TENM3: variants seen among roughly 807,000 people sequenced by gnomAD.
The protein encoded by TENM3 is teneurin-3.
In TENM3, 63 loss-of-function variants were observed where a neutral mutation model predicts 255.1. The ratio of observed to expected loss-of-function variants is 0.25; its 90% CI spans 0.20 to 0.30. The LOEUF (loss-of-function observed/expected upper bound fraction) is 0.30, where lower values mean the gene tolerates loss of function less well. Among genes scored for constraint, TENM3 ranks in the 10% least tolerant of loss-of-function variants. TENM3 has a pLI of 1.00. For missense variants in TENM3, 2,929 were observed against 3,461.1 expected, an observed-to-expected ratio of 0.85 and a Z score of 3.86; for synonymous variants, 1,306 against 1,322.3, an observed-to-expected ratio of 0.99 and a Z score of 0.27.
chr4:182,503,993 A>G (rs113647169), intron 3 of TENM3, among the ~76,000 whole-genome samples: 4,022 of 151,704 alleles, frequency 0.027, 190 homozygotes, highest in African/African-American at 0.093. Context: ...ACTATCTGAC[A>G]TATTATCTAA....
the TENM3 span, among the ~76,000 whole-genome samples, chr4:181,473,100 AAC>A: frequency 0.023 from 3,529 of 152,336 alleles, 117 homozygotes; most frequent in African/African-American, 0.076. Flanking sequence ...TATTTCATTA[AAC>A]ATTTTCATTT....
At chr4:182,599,800 T>C (rs1367803924) in intron 3 of TENM3, among the ~76,000 whole-genome samples, 1 of 152,232 alleles carries the variant, frequency 6.6e-6, no homozygotes, top group Non-Finnish European at 1.5e-5. Context: ...CATGATTTAA[T>C]ACATCACTTT....
chr4:182,793,608 G>A lies in TENM3; in HGVS notation c.6936G>A (p.Met2312Ile), dbSNP rs1164438883. The change falls in exon 26 of 28, where the codon ATG becomes ATA. Residue 2312 changes from methionine (M) to isoleucine (I), a missense_variant. Around this residue, in one of 6 missense-constraint regions of TENM3, gnomAD observed 256 missense variants for 389.3 expected, o/e 0.66. Transcript: ENST00000511685. The surrounding 1 kb of genome is among the most constrained non-coding windows in gnomAD (Gnocchi z 5.7). ...CTGTGTTCAGTAGCAATGGGCTTATGCTGAAACAGATTCAGTACACTGCAT... is the reference window on the plus strand; with the variant it reads ...CTGTGTTCAGTAGCAATGGGCTTATACTGAAACAGATTCAGTACACTGCAT... ...PLAVFSSNGL[M>I]LKQIQYTAYG... is the part of the protein sequence containing the mutation. The A allele has an allele frequency of 1.2e-6, 2 of 1,613,980 alleles. No individual in the cohort carries two copies. The highest frequency in any genetic ancestry group is 1.7e-6 in the Non-Finnish European group (2 of 1,179,880).
At chr4:182,035,106 G>A in the TENM3 span, among the ~76,000 whole-genome samples, 5 of 152,058 alleles carry the variant, frequency 3.3e-5, no homozygotes, top group African/African-American at 1.2e-4. Context: ...TTTTAACATT[G>A]TGAGATATTC....
chr4:181,907,379 C>T, the TENM3 span, among the ~76,000 whole-genome samples: 1 of 152,142 alleles, frequency 6.6e-6, no homozygotes, highest in Non-Finnish European at 1.5e-5. Flanking sequence ...CCAAATCTTC[C>T]ACTACCTCAA....
chr4:182,615,071 T>TA (rs1561005485), intron 4 of TENM3, among the ~76,000 whole-genome samples: 5 of 73,714 alleles, frequency 6.8e-5, no homozygotes, highest in East Asian at 6.7e-4. Flanking sequence ...ATATATGTAT[T>TA]TTTTTTTTCT....
chr4:182,769,447 G>A (rs1446196321), intron 22 of TENM3, among the ~76,000 whole-genome samples: 1 of 152,002 alleles, frequency 6.6e-6, no homozygotes, highest in South Asian at 2.1e-4. Context: ...AAAAAATGAT[G>A]TGGAGAATGT....
the TENM3 span, among the ~76,000 whole-genome samples, chr4:181,932,738 A>C: frequency 5.9e-5 from 9 of 152,232 alleles, no homozygotes; most frequent in Admixed American, 2.6e-4. Flanking sequence ...AGCACTGTTC[A>C]CAATAGCAAA....
In TENM3 at chr4:182,583,069, G is replaced by A. The variant is rs547769747; in HGVS notation, c.512-17855G>A. Among the ~76,000 whole-genome samples the A allele has an allele frequency of 3.9e-4, 60 of 152,216 alleles. No individual in the cohort carries two copies. The South Asian group carries it at 6.4e-3, about 16-fold the overall frequency. On this transcript the variant is annotated intron_variant, in intron 3 of 27. Coordinates refer to ENST00000511685, the MANE Select transcript of TENM3 (RefSeq NM_001080477.4). The stretch of plus-strand genomic sequence containing the variant: ...AATATTTTTATTCTCCTTCGTAATC[G>A]ACATATAGTTGGCAAAAGCCAAATG...
the TENM3 span, among the ~76,000 whole-genome samples, chr4:181,587,477 A>G: frequency 6.6e-6 from 1 of 152,184 alleles, no homozygotes; most frequent in African/African-American, 2.4e-5. Context: ...AGTACAACTA[A>G]TACTTCATAG....
chr4:182,722,573 T>G (rs1759824344), intron 13 of TENM3, among the ~76,000 whole-genome samples: 1 of 152,192 alleles, frequency 6.6e-6, no homozygotes, highest in Non-Finnish European at 1.5e-5. Context: ...CTTAGAGATC[T>G]CCGGGCAAAG....
chr4:181,473,534 G>C, the TENM3 span, among the ~76,000 whole-genome samples: 1 of 152,066 alleles, frequency 6.6e-6, no homozygotes, highest in Non-Finnish European at 1.5e-5. Context: ...TGCGGCTGCA[G>C]TGAGCTAATG....
chr4:181,776,128 T>A, the TENM3 span, among the ~76,000 whole-genome samples: 1 of 152,114 alleles, frequency 6.6e-6, no homozygotes, highest in East Asian at 1.9e-4. Context: ...TCTGCTTCCA[T>A]GAGATCAATC....
At chr4:181,550,116 G>A in the TENM3 span, among the ~76,000 whole-genome samples, 1 of 152,124 alleles carries the variant, frequency 6.6e-6, no homozygotes, top group African/African-American at 2.4e-5. Context: ...CAGTGTATGG[G>A]AGACAGTATG....
rs573362371 is a variant in TENM3 at position 182,789,192 on chromosome 4, G to A, written c.5404G>A (p.Asp1802Asn). Reference protein sequence around the residue: ...HRKFLLRIAYDTSGHPTLWLP... With the variant: ...HRKFLLRIAYNTSGHPTLWLP... Reference sequence around the variant, plus strand: ...TAAATTTCTACTGAGGATCGCCTACGACACGTCTGGGCACCCGACTCTCTG... The same window carrying A: ...TAAATTTCTACTGAGGATCGCCTACAACACGTCTGGGCACCCGACTCTCTG... The change falls in exon 25 of 28, where the codon GAC becomes AAC. Residue 1802 changes from aspartate (D) to asparagine (N), a missense_variant. Coordinates refer to ENST00000511685, the MANE Select transcript of TENM3 (RefSeq NM_001080477.4). The surrounding 1 kb of genome is among the most constrained non-coding windows in gnomAD (Gnocchi z 4.4). The A allele has an allele frequency of 6.2e-6, 10 of 1,612,988 alleles. No individual in the cohort carries two copies. Among genetic ancestry groups the A allele is most frequent in the South Asian group, 3.3e-5 (3 of 90,828 alleles).
intron 22 of TENM3, 27 bp from the exon 23 acceptor site, chr4:182,773,445 C>A: frequency 6.4e-7 from 1 of 1,568,364 alleles, no homozygotes; most frequent in South Asian, 1.2e-5. Context: ...TCCTATTTAA[C>A]ACCAAGTTAA....
At chr4:181,963,149 T>C in the TENM3 span, among the ~76,000 whole-genome samples, 2 of 152,238 alleles carry the variant, frequency 1.3e-5, no homozygotes, top group African/African-American at 4.8e-5. Context: ...GAGAAATAAT[T>C]AGATTTGGCC....
At chr4:182,274,179 A>T (rs1759838213) in intron 1 of TENM3, among the ~76,000 whole-genome samples, 1 of 152,218 alleles carries the variant, frequency 6.6e-6, no homozygotes, top group African/African-American at 2.4e-5. Context: ...CTTCTAGGGG[A>T]AGCTGGGCTA....
At chr4:182,574,690 G>T (rs568153454) in intron 3 of TENM3, among the ~76,000 whole-genome samples, 145 of 152,094 alleles carry the variant, frequency 9.5e-4, no homozygotes, top group Non-Finnish European at 7.8e-4. Flanking sequence ...TTATATTTTT[G>T]ATCCTTTTTC....
Sources: allele counts gnomAD v4.1 joint callset (sites outside exome capture counted in the v4.1 genomes callset), GRCh38; gene constraint gnomAD v4.1.1; regional missense constraint gnomAD v4.1.1; non-coding constraint Gnocchi (gnomAD v3.1); transcripts MANE v1.5; gene names NCBI Gene and HGNC (gene_info 2026-07-23, HGNC 2026-07-21).